ARID1B: variants seen among roughly 807,000 people sequenced by gnomAD.
ARID1B encodes the protein AT-rich interactive domain-containing protein 1B.
A neutral mutation model predicts 212.3 loss-of-function variants in ARID1B; 30 were observed. The observed-to-expected ratio is 0.14, with a 90% CI of 0.11 to 0.19. ARID1B has a LOEUF of 0.19. Among genes scored for constraint, ARID1B ranks in the 10% least tolerant of loss-of-function variants. The probability of loss-of-function intolerance (pLI) is 1.00; values close to 1 mark genes in which losing one functional copy is unlikely to be tolerated. For missense variants in ARID1B, 2,891 were observed against 3,204.0 expected (o/e 0.90, Z 2.36); for synonymous variants, 1,402 against 1,301.7 (o/e 1.08, Z -1.66).
At chr6:157,109,298 T>C (rs952573398) in intron 5 of ARID1B, among the ~76,000 whole-genome samples, 3 of 152,278 alleles carry the variant, frequency 2.0e-5, no homozygotes, top group African/African-American at 7.2e-5. Flanking sequence ...TTCTTTATTA[T>C]TTGTAATTCT....
chr6:157,202,312 A>T (rs1794165030), intron 18 of ARID1B, among the ~76,000 whole-genome samples: 1 of 152,228 alleles, frequency 6.6e-6, no homozygotes, highest in Non-Finnish European at 1.5e-5. Flanking sequence ...AATAGATCTG[A>T]GTTATATTAG....
At chr6:156,909,740 G>C (rs1454658951) in intron 3 of ARID1B, among the ~76,000 whole-genome samples, 3 of 152,124 alleles carry the variant, frequency 2.0e-5, no homozygotes, top group African/African-American at 4.8e-5. Context: ...TCTGTTTCCT[G>C]TACATTGCAA....
At chr6:156,896,174 A>G (rs147143279) in intron 2 of ARID1B, among the ~76,000 whole-genome samples, 470 of 152,316 alleles carry the variant, frequency 3.1e-3, no homozygotes, top group South Asian at 0.021. Context: ...ACAGGACTGC[A>G]TTGAATATCC....
At chr6:156,848,336 A>G (rs1196589918) in intron 2 of ARID1B, among the ~76,000 whole-genome samples, 13 of 152,362 alleles carry the variant, frequency 8.5e-5, no homozygotes, top group East Asian at 7.7e-4. Flanking sequence ...TAGAGTAATT[A>G]TAACAAAAGT....
chr6:156,858,595 G>A (rs1170808825), intron 2 of ARID1B, among the ~76,000 whole-genome samples: 1 of 152,076 alleles, frequency 6.6e-6, no homozygotes, highest in Non-Finnish European at 1.5e-5. Context: ...GTGAAACCCT[G>A]CCTCTACTAA....
At chr6:156,806,513 A>G (rs1226945340) in intron 1 of ARID1B, among the ~76,000 whole-genome samples, 1 of 152,218 alleles carries the variant, frequency 6.6e-6, no homozygotes, top group East Asian at 1.9e-4. Flanking sequence ...GGTTTTGCTT[A>G]ATAATACTAC....
chr6:157,082,675 C>T (rs376933058), intron 4 of ARID1B, among the ~76,000 whole-genome samples: 5 of 152,158 alleles, frequency 3.3e-5, no homozygotes, highest in Admixed American at 1.3e-4. Context: ...CTCAGCTTCC[C>T]GAGTAGCTGG....
At chr6:156,918,661 A>G (rs899303412) in intron 3 of ARID1B, among the ~76,000 whole-genome samples, 3 of 152,220 alleles carry the variant, frequency 2.0e-5, no homozygotes, top group Non-Finnish European at 2.9e-5. Flanking sequence ...GCTTGTAAGC[A>G]TCCGAGGAGA....
At chr6:157,002,401 A>G (rs76714525) in intron 4 of ARID1B, among the ~76,000 whole-genome samples, 3,068 of 152,288 alleles carry the variant, frequency 0.02, 113 homozygotes, top group African/African-American at 0.07. Flanking sequence ...AGCCTTCTAA[A>G]TCTGTGAGAG....
At chr6:157,059,163 T>C (rs1382876833) in intron 4 of ARID1B, among the ~76,000 whole-genome samples, 1 of 152,142 alleles carries the variant, frequency 6.6e-6, no homozygotes, top group African/African-American at 2.4e-5. Context: ...TGATTAGTTG[T>C]GTATCTTTAG....
chr6:156,941,833 A>C (rs1792696645), intron 4 of ARID1B: 1 of 152,220 alleles, frequency 6.6e-6, no homozygotes, highest in Non-Finnish European at 1.5e-5. Flanking sequence ...AGTCTGAATA[A>C]ATTAATATTG....
intron 2 of ARID1B, among the ~76,000 whole-genome samples, chr6:156,833,315 G>A (rs1006516294): frequency 1.3e-5 from 2 of 152,006 alleles, no homozygotes; most frequent in African/African-American, 2.4e-5. Context: ...GATCATAAAT[G>A]TACACCTAGG....
intron 4 of ARID1B, among the ~76,000 whole-genome samples, chr6:157,064,563 T>C (rs1783553082): frequency 1.3e-5 from 2 of 152,186 alleles, no homozygotes. Flanking sequence ...TGAGCACTTA[T>C]AACCCAATCC....
At chr6:156,970,058 T>G (rs1025679417) in intron 4 of ARID1B, among the ~76,000 whole-genome samples, 4 of 151,302 alleles carry the variant, frequency 2.6e-5, no homozygotes, top group Non-Finnish European at 4.4e-5. Flanking sequence ...TTTGTTTTTT[T>G]TGTGTGTTTT....
chr6:157,155,964 T>C (rs1790548275), intron 8 of ARID1B, among the ~76,000 whole-genome samples: 1 of 152,214 alleles, frequency 6.6e-6, no homozygotes, highest in Non-Finnish European at 1.5e-5. Context: ...ATAATTCATA[T>C]CCTGTGTTGC....
At chr6:156,837,861 G>A (rs1456263037) in intron 2 of ARID1B, among the ~76,000 whole-genome samples, 2 of 152,204 alleles carry the variant, frequency 1.3e-5, no homozygotes, top group African/African-American at 4.8e-5. Context: ...GAGCAACTCT[G>A]CAGTTGGACT....
intron 2 of ARID1B, among the ~76,000 whole-genome samples, chr6:156,897,246 C>CTTATTA (rs1374385412): frequency 4.4e-4 from 46 of 103,554 alleles, no homozygotes; most frequent in African/African-American, 1.2e-3. Flanking sequence ...TCTTCTTCTT[C>CTTATTA]TTCTTCTTCT....
chr6:156,982,800 A>G (rs1314249503), intron 4 of ARID1B, among the ~76,000 whole-genome samples: 1 of 152,002 alleles, frequency 6.6e-6, no homozygotes, highest in Non-Finnish European at 1.5e-5. Context: ...GCAGCATGTT[A>G]TTATTTTTTA....
At chr6:157,104,581 G>C (rs1005135906) in intron 5 of ARID1B, among the ~76,000 whole-genome samples, 1 of 152,160 alleles carries the variant, frequency 6.6e-6, no homozygotes, top group African/African-American at 2.4e-5. Context: ...ACAAAAAGCA[G>C]TAGTCTTTCT....
Sources: gnomAD v4.1 joint callset for allele counts (sites outside exome capture counted in the v4.1 genomes callset) on GRCh38, gnomAD v4.1.1 for gene constraint, MANE v1.5 for transcripts, NCBI Gene and HGNC (gene_info 2026-07-23, HGNC 2026-07-21) for gene names.